The following CTIF variants were observed in gnomAD, a reference collection of about 807,000 sequenced individuals.
CTIF encodes the protein CBP80/20-dependent translation initiation factor.
Under a neutral mutation model 66.0 loss-of-function variants are expected in CTIF, and 21 were observed. That is an observed-to-expected ratio of 0.32 (90% CI 0.23 to 0.46). CTIF has a LOEUF of 0.46. Ranked by LOEUF, CTIF falls within the 20% of genes least tolerant of loss-of-function variation. The pLI is 1.00. For missense variants in CTIF, 739 were observed against 812.7 expected, an observed-to-expected ratio of 0.91 and a Z score of 1.10; for synonymous variants, 345 against 326.4, an observed-to-expected ratio of 1.06 and a Z score of -0.62.
Position 48,837,925 on chromosome 18 carries a change from G to A in CTIF, c.1528-19663G>A, listed in dbSNP as rs565964889. On this transcript the variant is annotated intron_variant, in intron 10 of 11. Transcript: ENST00000256413. The stretch of plus-strand genomic sequence containing the variant: ...CCCACACCCACACCCTCCCTGGTGG[G>A]AAGGGAGTGGGGCTGTCTCTGGAAC... 6.6e-5 allele frequency among the ~76,000 whole-genome samples: 10 copies of A among 152,318 alleles called. No homozygotes were observed. The East Asian group carries it at 1.9e-3, about 29-fold the overall frequency.
chr18:48,598,900 G>A (rs540386581), intron 1 of CTIF, among the ~76,000 whole-genome samples: 10 of 152,236 alleles, frequency 6.6e-5, no homozygotes, highest in African/African-American at 2.4e-4. Flanking sequence ...AAAGGGCAGG[G>A]GACAATCCCA....
intron 9 of CTIF, among the ~76,000 whole-genome samples, chr18:48,778,294 T>G (rs991334540): frequency 2.6e-5 from 4 of 152,108 alleles, no homozygotes; most frequent in African/African-American, 9.7e-5. Flanking sequence ...TTCAGAAATG[T>G]TAGCTGTTCA....
chr18:48,663,643 C>A, intron 3 of CTIF, 109 bp from the exon 4 acceptor site: 4 of 961,350 alleles, frequency 4.2e-6, no homozygotes, highest in Non-Finnish European at 5.0e-6. Context: ...AGCCACCATA[C>A]TCACTTGGGG....
intron 3 of CTIF, among the ~76,000 whole-genome samples, chr18:48,651,638 G>A (rs779568416): frequency 3.3e-5 from 5 of 152,074 alleles, no homozygotes; most frequent in East Asian, 1.9e-4. Flanking sequence ...TACAGAACTC[G>A]CCACCCCAAG....
At chr18:48,655,087 C>T (rs1022154970) in intron 3 of CTIF, among the ~76,000 whole-genome samples, 4 of 151,844 alleles carry the variant, frequency 2.6e-5, no homozygotes, top group African/African-American at 9.7e-5. Flanking sequence ...CAAACCTGCG[C>T]ATTGTGCACA....
chr18:48,698,752 A>C (rs1219402343), intron 6 of CTIF, among the ~76,000 whole-genome samples: 1 of 152,044 alleles, frequency 6.6e-6, no homozygotes, highest in Non-Finnish European at 1.5e-5. Context: ...CCCTAATCTA[A>C]AGCATTATCC....
intron 3 of CTIF, among the ~76,000 whole-genome samples, chr18:48,643,790 C>A (rs959585430): frequency 6.6e-6 from 1 of 152,126 alleles, no homozygotes; most frequent in East Asian, 1.9e-4. Context: ...TGAGCCCCAA[C>A]AAACTCCCAT....
At chr18:48,781,862 G>A (rs1029408221) in intron 9 of CTIF, among the ~76,000 whole-genome samples, 1 of 152,154 alleles carries the variant, frequency 6.6e-6, no homozygotes, top group African/African-American at 2.4e-5. Flanking sequence ...TGTCTCATTG[G>A]CTGTAAAATG....
chr18:48,609,414 G>T (rs550510645), intron 1 of CTIF, among the ~76,000 whole-genome samples: 2 of 152,368 alleles, frequency 1.3e-5, no homozygotes, highest in African/African-American at 4.8e-5. Context: ...TAGCAGTTGT[G>T]AAGTCGAGTG....
rs1444655255 is a variant in CTIF at position 48,786,923 on chromosome 18, C to T, written c.1371+25234C>T. Among the ~76,000 whole-genome samples, 3 of 152,056 alleles carry T rather than the reference C, an allele frequency of 2.0e-5. No individual in the cohort carries two copies. In the East Asian group the frequency reaches 5.8e-4, roughly 29 times the overall value. On this transcript the variant is annotated intron_variant, in intron 9 of 11. Coordinates refer to ENST00000256413, the MANE Select transcript of CTIF (RefSeq NM_014772.3). Reference sequence around the variant, plus strand: ...GGGCAGGGGGTGGCCCGGATGACCTCTGGAGCTCCTCACCCCACCATGGCA... The same window carrying T: ...GGGCAGGGGGTGGCCCGGATGACCTTTGGAGCTCCTCACCCCACCATGGCA...
At chr18:48,713,903 C>T (rs1463980898) in intron 7 of CTIF, among the ~76,000 whole-genome samples, 8 of 152,188 alleles carry the variant, frequency 5.3e-5, no homozygotes, top group African/African-American at 1.4e-4. Flanking sequence ...GAACACAGAG[C>T]GTGTGCTCGT....
intron 7 of CTIF, among the ~76,000 whole-genome samples, chr18:48,716,138 G>A (rs376910465): frequency 3.4e-4 from 51 of 152,210 alleles, no homozygotes; most frequent in Non-Finnish European, 1.0e-4. Flanking sequence ...GTGAAGCACT[G>A]TTCAGTTCTC....
chr18:48,616,479 C>T (rs1421483108), intron 1 of CTIF, among the ~76,000 whole-genome samples: 1 of 152,126 alleles, frequency 6.6e-6, no homozygotes, highest in Non-Finnish European at 1.5e-5. Flanking sequence ...GAGCAGGCCA[C>T]CAGGAGTGGG....
intron 3 of CTIF, among the ~76,000 whole-genome samples, chr18:48,653,393 A>C (rs572686848): frequency 4.3e-4 from 65 of 152,342 alleles, no homozygotes; most frequent in Admixed American, 1.2e-3. Context: ...AAAGAGAATA[A>C]AATACCTAGG....
intron 1 of CTIF, among the ~76,000 whole-genome samples, chr18:48,572,891 G>A: frequency 6.6e-6 from 1 of 152,122 alleles, no homozygotes; most frequent in East Asian, 1.9e-4. Flanking sequence ...TACTCAGGAG[G>A]CCGAGGTGGG....
At chr18:48,795,829 A>G (rs77331567) in intron 9 of CTIF, among the ~76,000 whole-genome samples, 33 of 152,226 alleles carry the variant, frequency 2.2e-4, no homozygotes, top group Non-Finnish European at 4.1e-4. Context: ...TTTATAGAAA[A>G]CGGCTTTTTT....
At chr18:48,732,200 G>C (rs2092462876) in intron 7 of CTIF, among the ~76,000 whole-genome samples, 1 of 152,238 alleles carries the variant, frequency 6.6e-6, no homozygotes, top group African/African-American at 2.4e-5. Flanking sequence ...ATTCCCTGGG[G>C]TACGTTTTGA....
chr18:48,675,434 C>T (rs1282333248), intron 6 of CTIF, among the ~76,000 whole-genome samples: 3 of 152,190 alleles, frequency 2.0e-5, no homozygotes, highest in Non-Finnish European at 2.9e-5. Context: ...CACCAGCGCA[C>T]CACTCTGCAG....
chr18:48,694,464 G>A (rs182759597), intron 6 of CTIF, among the ~76,000 whole-genome samples: 3 of 152,170 alleles, frequency 2.0e-5, no homozygotes, highest in African/African-American at 4.8e-5. Context: ...CAAATTCTCC[G>A]CCATTCCTTC....
Sources: gnomAD v4.1 joint callset for allele counts (sites outside exome capture counted in the v4.1 genomes callset) on GRCh38, gnomAD v4.1.1 for gene constraint, MANE v1.5 for transcripts, NCBI Gene and HGNC (gene_info 2026-07-23, HGNC 2026-07-21) for gene names.